Variants in SCFD2 observed in about 807,000 individuals in gnomAD.
SCFD2 encodes sec1 family domain containing 2.
In SCFD2, 54 loss-of-function variants were observed where a neutral mutation model predicts 58.9. That is an observed-to-expected ratio of 0.92 (90% confidence interval 0.74 to 1.15). SCFD2 has a LOEUF of 1.15. SCFD2 is among the 50% of genes most tolerant of loss of function. The pLI is 0.00. For missense variants in SCFD2, 805 were observed against 836.6 expected (o/e 0.96, Z 0.47); for synonymous variants, 321 against 335.9 (o/e 0.96, Z 0.49).
Position 52,887,926 on chromosome 4 carries a change from C to T in SCFD2, c.1843-2060G>A, listed in dbSNP as rs544625083. On this transcript the variant is annotated intron_variant, in intron 7 of 8. Transcript: ENST00000401642. Reference sequence around the variant, plus strand: ...TTTTTTTTTTTTTTTTTTTTTGAGACGGAGTCTCGCTCTGTCGCCCAGGCC... The same window carrying T: ...TTTTTTTTTTTTTTTTTTTTTGAGATGGAGTCTCGCTCTGTCGCCCAGGCC... Among the ~76,000 whole-genome samples, 174 of 107,254 alleles carry T rather than the reference C, an allele frequency of 1.6e-3. 1 individual carries two copies. Among genetic ancestry groups the T allele is most frequent in the African/African-American group, 6.0e-3 (154 of 25,594 alleles). The allele number at this position is 107,254 out of a possible 152,430, so 70.4% of individuals were successfully genotyped here. A position where few individuals can be genotyped will look rare whatever the true frequency, so the allele number is the denominator to read the frequency against.
At position 53,046,110 on chromosome 4, in the gene SCFD2, C is replaced by T. The variant is rs202085488; in HGVS notation, c.1561+99223G>A. 7.2e-5 allele frequency among the ~76,000 whole-genome samples: 11 copies of T among 152,258 alleles called. No homozygotes were observed. In the East Asian group the frequency reaches 2.1e-3, roughly 29 times the overall value. On this transcript the variant is annotated intron_variant, in intron 5 of 8. Coordinates refer to ENST00000401642, the MANE Select transcript of SCFD2 (RefSeq NM_152540.4). ...TATTTTCAGCTTAGTTTTCATTTCTCTTCTACCATGAGGTTGAAATATCCA... is the reference window on the plus strand; with the variant it reads ...TATTTTCAGCTTAGTTTTCATTTCTTTTCTACCATGAGGTTGAAATATCCA...
intron 5 of SCFD2, among the ~76,000 whole-genome samples, chr4:53,022,488 G>A (rs945332918): frequency 1.3e-5 from 2 of 152,184 alleles, no homozygotes; most frequent in African/African-American, 4.8e-5. Context: ...GTATCATAAA[G>A]AGCTGCTTAT....
chr4:53,112,556 G>A (rs190572411), intron 5 of SCFD2, among the ~76,000 whole-genome samples: 92 of 152,010 alleles, frequency 6.1e-4, no homozygotes, highest in African/African-American at 2.1e-3. Context: ...CTCCATTACA[G>A]GACATAAAAT....
chr4:53,047,217 G>A (rs1458665525), intron 5 of SCFD2, among the ~76,000 whole-genome samples: 1 of 152,194 alleles, frequency 6.6e-6, no homozygotes, highest in Non-Finnish European at 1.5e-5. Context: ...AGAGGCTGAG[G>A]CAGGAGGACT....
chr4:53,007,317 A>AGAGAGAGG (rs1212209312), intron 5 of SCFD2, among the ~76,000 whole-genome samples: 8 of 129,456 alleles, frequency 6.2e-5, no homozygotes, highest in African/African-American at 2.0e-4. Flanking sequence ...AGAGAGAGAG[A>AGAGAGAGG]GAGAGAGAGA....
intron 3 of SCFD2, among the ~76,000 whole-genome samples, chr4:53,283,976 A>C (rs1350095220): frequency 2.0e-5 from 3 of 151,466 alleles, no homozygotes; most frequent in African/African-American, 7.3e-5. Context: ...AAAATTAGCC[A>C]GGCGTGGTGG....
chr4:53,098,074 T>C (rs1231150249), intron 5 of SCFD2, among the ~76,000 whole-genome samples: 1 of 152,238 alleles, frequency 6.6e-6, no homozygotes, highest in Non-Finnish European at 1.5e-5. Flanking sequence ...GCCCACTTGA[T>C]CATGGTGGAT....
chr4:52,991,145 A>G (rs1721604052), intron 5 of SCFD2, among the ~76,000 whole-genome samples: 2 of 152,204 alleles, frequency 1.3e-5, no homozygotes, highest in Admixed American at 1.3e-4. Context: ...TTTCAGGTTA[A>G]TATGGTGAGA....
At chr4:53,067,134 C>G (rs1723684813) in intron 5 of SCFD2, among the ~76,000 whole-genome samples, 1 of 151,986 alleles carries the variant, frequency 6.6e-6, no homozygotes. Context: ...GCTACCTCCT[C>G]CACTAATCTT....
rs183308573 is a variant in SCFD2 at position 53,042,714 on chromosome 4, G to A, written c.1561+102619C>T. Among the ~76,000 whole-genome samples the A allele has an allele frequency of 1.7e-3, 251 of 151,070 alleles. 2 individuals carry two copies. Among genetic ancestry groups the A allele is most frequent in the Non-Finnish European group, 9.4e-4 (64 of 67,866 alleles). ...ACCTATTTTTTTTGTTTTTTTCAGC[G>A]AATTCAGCCATTTTATCCTAATGTC... On this transcript the variant is annotated intron_variant, in intron 5 of 8. Transcript: ENST00000401642.
chr4:53,300,981 C>T (rs552864027), intron 3 of SCFD2, among the ~76,000 whole-genome samples: 20 of 152,154 alleles, frequency 1.3e-4, no homozygotes, highest in African/African-American at 4.3e-4. Flanking sequence ...GCACTAAATG[C>T]CCACAAGAGA....
intron 5 of SCFD2, among the ~76,000 whole-genome samples, chr4:53,004,689 G>A (rs1247518392): frequency 6.6e-6 from 1 of 152,122 alleles, no homozygotes; most frequent in Non-Finnish European, 1.5e-5. Context: ...GGTGGTGAGA[G>A]GGTTCAACAC....
intron 2 of SCFD2, among the ~76,000 whole-genome samples, chr4:53,327,139 C>T (rs569930139): frequency 1.1e-4 from 16 of 151,894 alleles, no homozygotes; most frequent in South Asian, 6.2e-4. Flanking sequence ...CACAGAGTGT[C>T]GGAGCCTGAG....
At position 52,901,730 on chromosome 4, in the gene SCFD2, G is replaced by T. The variant is rs56051130; in HGVS notation, c.1842+5727C>A. ...GTAGCAATAGATAAGCAGAACAGGT[G>T]GAGATGAAAGGCTTCTCTGGACAAT... is the stretch of plus-strand genomic sequence containing the variant. On this transcript the variant is annotated intron_variant, in intron 7 of 8. Transcript: ENST00000401642. Among the ~76,000 whole-genome samples, 442 of 152,274 alleles carry T rather than the reference G, an allele frequency of 2.9e-3. 2 individuals carry two copies. The highest frequency in any genetic ancestry group is 0.01 in the African/African-American group (418 of 41,552).
intron 5 of SCFD2, among the ~76,000 whole-genome samples, chr4:52,953,250 A>G (rs1303984317): frequency 6.6e-6 from 1 of 152,230 alleles, no homozygotes; most frequent in Non-Finnish European, 1.5e-5. Flanking sequence ...TAACTACAGT[A>G]GTTTCCAACT....
intron 4 of SCFD2, among the ~76,000 whole-genome samples, chr4:53,151,327 A>C (rs1726498986): frequency 6.6e-6 from 1 of 152,234 alleles, no homozygotes; most frequent in South Asian, 2.1e-4. Context: ...GTTTTGATAT[A>C]AATGGGCTTA....
chr4:53,337,069 T>A (rs1403907780), intron 2 of SCFD2, among the ~76,000 whole-genome samples: 1 of 152,038 alleles, frequency 6.6e-6, no homozygotes, highest in Non-Finnish European at 1.5e-5. Context: ...CCATAAAAAA[T>A]TACCACAAAC....
chr4:52,933,287 T>C (rs301116), intron 5 of SCFD2, among the ~76,000 whole-genome samples: 26,228 of 151,958 alleles, frequency 0.17, 5,350 homozygotes, highest in African/African-American at 0.49. Flanking sequence ...TCTAGGTGCT[T>C]CTTACCCGGC....
At chr4:53,189,760 C>T (rs1727840680) in intron 4 of SCFD2, among the ~76,000 whole-genome samples, 1 of 152,168 alleles carries the variant, frequency 6.6e-6, no homozygotes, top group African/African-American at 2.4e-5. Flanking sequence ...TAGACACACA[C>T]AAAATAGACT....
Sources: gnomAD v4.1 joint callset for allele counts (sites outside exome capture counted in the v4.1 genomes callset) on GRCh38, gnomAD v4.1.1 for gene constraint, MANE v1.5 for transcripts, NCBI Gene and HGNC (gene_info 2026-07-23, HGNC 2026-07-21) for gene names.